The following COBL variants were observed in gnomAD, a reference collection of about 807,000 sequenced individuals.
COBL encodes the protein cordon-bleu WH2 repeat protein, also known as protein cordon-bleu.
In COBL, 51 loss-of-function variants were observed where a neutral mutation model predicts 98.8. The observed-to-expected ratio is 0.52, with a 90% CI of 0.41 to 0.65. COBL has a LOEUF of 0.65. COBL is among the 30% of genes least tolerant of loss of function. The pLI, the probability that COBL is intolerant of heterozygous loss-of-function variation, is 0.00. For synonymous variants in COBL, 634 were observed against 651.7 expected, an observed-to-expected ratio of 0.97 and a Z score of 0.41; for missense variants, 1,617 against 1,617.5, an observed-to-expected ratio of 1.00 and a Z score of 0.01.
intron 1 of COBL, among the ~76,000 whole-genome samples, chr7:51,281,509 T>G (rs537276620): frequency 6.6e-6 from 1 of 152,238 alleles, no homozygotes; most frequent in Admixed American, 6.5e-5. Context: ...ATTATCAAAG[T>G]GCTTAAAACT....
intron 6 of COBL, among the ~76,000 whole-genome samples, chr7:51,092,623 C>G (rs1237916893): frequency 6.6e-6 from 1 of 152,114 alleles, no homozygotes; most frequent in African/African-American, 2.4e-5. Context: ...GCTTTCTGTA[C>G]TGTTCCATTG....
At chr7:51,204,643 C>T (rs534160186) in intron 2 of COBL, among the ~76,000 whole-genome samples, 23 of 151,756 alleles carry the variant, frequency 1.5e-4, no homozygotes, top group South Asian at 2.1e-4. Flanking sequence ...CTCCGCCTCC[C>T]GGGTTCAAGC....
intron 7 of COBL, among the ~76,000 whole-genome samples, chr7:51,047,085 T>C (rs1789781801): frequency 6.6e-6 from 1 of 152,214 alleles, no homozygotes; most frequent in Admixed American, 6.5e-5. Flanking sequence ...CCTGAGAGGG[T>C]AAGTCATTAT....
intron 7 of COBL, among the ~76,000 whole-genome samples, chr7:51,074,191 ATTTTTTTTTT>A (rs369421469): frequency 1.0e-5 from 1 of 100,496 alleles, no homozygotes; most frequent in African/African-American, 4.0e-5. Flanking sequence ...CAAGGTAATG[ATTTTTTTTTT>A]TTTTTTTTTT....
At position 51,028,869 on chromosome 7, in the gene COBL, G is replaced by C. The variant is rs750013107; in HGVS notation, c.2227C>G (p.His743Asp). ...IDELGNLVSPHATGIRIISLS... is the reference protein window; with the variant it reads ...IDELGNLVSPDATGIRIISLS... Reference sequence around the variant, plus strand: ...GAAATGATCCTGATGCCGGTGGCGTGAGGACTCACCAAGTTCCCCAGCTCG... The same window carrying C: ...GAAATGATCCTGATGCCGGTGGCGTCAGGACTCACCAAGTTCCCCAGCTCG... The change falls in exon 10 of 13, where the codon CAC becomes GAC. Residue 743 changes from histidine to aspartate, a missense_variant. His to Asp is a moderately conservative substitution (Grantham distance 81, BLOSUM62 -1). Coordinates refer to ENST00000265136, the MANE Select transcript of COBL (RefSeq NM_015198.5). 1.2e-6 allele frequency: 2 copies of C among 1,614,210 alleles called. No homozygotes were observed. Among genetic ancestry groups the C allele is most frequent in the Non-Finnish European group, 1.7e-6 (2 of 1,180,038 alleles).
chr7:51,224,707 C>T (rs191989967), intron 1 of COBL, among the ~76,000 whole-genome samples: 64 of 151,062 alleles, frequency 4.2e-4, no homozygotes, highest in African/African-American at 1.4e-3. Flanking sequence ...TTGAGATGGA[C>T]GGCAATGGCG....
chr7:51,191,877 G>C (rs1471985925), intron 3 of COBL, among the ~76,000 whole-genome samples: 1 of 152,110 alleles, frequency 6.6e-6, no homozygotes, highest in Admixed American at 6.6e-5. Flanking sequence ...TTGAACAAAA[G>C]AGCAGCAAAG....
intron 1 of COBL, among the ~76,000 whole-genome samples, chr7:51,253,127 G>A (rs926135659): frequency 3.9e-5 from 6 of 152,094 alleles, no homozygotes; most frequent in African/African-American, 1.2e-4. Context: ...AAGAGGCTGA[G>A]GCAGGACAAC....
At chr7:51,297,585 G>A (rs528763875) in intron 1 of COBL, among the ~76,000 whole-genome samples, 1 of 152,062 alleles carries the variant, frequency 6.6e-6, no homozygotes, top group East Asian at 1.9e-4. Context: ...TAGAGACGGG[G>A]TTTTGCCACG....
In COBL at chr7:51,134,845, A is replaced by G. The variant is rs10224613; in HGVS notation, c.957+1313T>C. On this transcript the variant is annotated intron_variant, in intron 6 of 12. Transcript: ENST00000265136. Reference sequence around the variant, plus strand: ...ATTTGCATCATCTTATCATGGATGCATACAACAAAAAGGTACCATTTGTGC... The same window carrying G: ...ATTTGCATCATCTTATCATGGATGCGTACAACAAAAAGGTACCATTTGTGC... Among the ~76,000 whole-genome samples the G allele has an allele frequency of 7.5e-3, 1,147 of 152,364 alleles. 12 individuals carry two copies. Among genetic ancestry groups the G allele is most frequent in the African/African-American group, 0.026 (1,091 of 41,584 alleles).
At chr7:51,117,119 G>A (rs1420795940) in intron 6 of COBL, among the ~76,000 whole-genome samples, 1 of 126,242 alleles carries the variant, frequency 7.9e-6, no homozygotes, top group Non-Finnish European at 1.5e-5. Flanking sequence ...TTCTCTACTT[G>A]TGTATAAGAT....
chr7:51,065,435 C>T (rs932050410), intron 7 of COBL: 1 of 701,276 alleles, frequency 1.4e-6, no homozygotes, highest in Admixed American at 2.0e-5. Context: ...ATCACAGCTT[C>T]AGCTGCTCCA....
At chr7:51,154,358 G>A (rs933369362) in intron 5 of COBL, among the ~76,000 whole-genome samples, 1 of 152,204 alleles carries the variant, frequency 6.6e-6, no homozygotes, top group African/African-American at 2.4e-5. Context: ...GTCAGGGCAC[G>A]GAGGGCCAAG....
At chr7:51,205,633 T>G (rs1274021334) in intron 2 of COBL, among the ~76,000 whole-genome samples, 4 of 135,734 alleles carry the variant, frequency 2.9e-5, no homozygotes, top group East Asian at 2.1e-4. Flanking sequence ...TTTGTTTTTG[T>G]TTTTTGGTTT....
intron 12 of COBL, among the ~76,000 whole-genome samples, chr7:51,020,676 G>C (rs539436595): frequency 8.5e-5 from 13 of 152,194 alleles, no homozygotes; most frequent in Non-Finnish European, 1.8e-4. Flanking sequence ...GGGCAGATCT[G>C]AACACTGCCT....
intron 1 of COBL, among the ~76,000 whole-genome samples, chr7:51,301,092 G>A (rs567979363): frequency 3.3e-5 from 5 of 152,224 alleles, no homozygotes; most frequent in South Asian, 2.1e-4. Flanking sequence ...GAGTGAGTGC[G>A]GTGGGATACA....
intron 1 of COBL, among the ~76,000 whole-genome samples, chr7:51,262,693 TG>T (rs1260024578): frequency 9.9e-5 from 15 of 152,108 alleles, no homozygotes; most frequent in Non-Finnish European, 2.9e-5. Flanking sequence ...ACATGACAGA[TG>T]TGTGTGAAGA....
At position 51,216,892 on chromosome 7, in the gene COBL, A is replaced by G. The variant is rs531180565; in HGVS notation, c.245+2849T>C. Among the ~76,000 whole-genome samples the G allele has an allele frequency of 1.6e-3, 245 of 152,356 alleles. 1 individual carries two copies. Among genetic ancestry groups the G allele is most frequent in the African/African-American group, 5.7e-3 (238 of 41,580 alleles). On this transcript the variant is annotated intron_variant, in intron 2 of 12. Transcript: ENST00000265136. ...ACAATGACAAAAAACAAGTAGATCT[A>G]TTTTAAGCAAGGGTCAGGAATTTAA...
intron 6 of COBL, among the ~76,000 whole-genome samples, chr7:51,122,038 A>C (rs921339623): frequency 6.6e-6 from 1 of 152,200 alleles, no homozygotes; most frequent in African/African-American, 2.4e-5. Flanking sequence ...CATGTTGCTA[A>C]ACTGTCAACG....
Sources: allele counts gnomAD v4.1 joint callset (sites outside exome capture counted in the v4.1 genomes callset), GRCh38; gene constraint gnomAD v4.1.1; transcripts MANE v1.5; gene names NCBI Gene and HGNC (gene_info 2026-07-23, HGNC 2026-07-21).